The following FKBP5 variants were observed in gnomAD, a reference collection of about 807,000 sequenced individuals.
FKBP5 encodes the protein FKBP prolyl isomerase 5.
Under a neutral mutation model 50.5 loss-of-function variants are expected in FKBP5, and 23 were observed. The observed-to-expected ratio is 0.46, with a 90% CI of 0.33 to 0.65. The LOEUF is 0.65. FKBP5 is among the 30% of genes least tolerant of loss of function. The pLI is 0.02. For missense variants in FKBP5, 411 were observed against 553.1 expected, an observed-to-expected ratio of 0.74 and a Z score of 2.58; for synonymous variants, 176 against 190.6, an observed-to-expected ratio of 0.92 and a Z score of 0.63.
Position 35,629,559 on chromosome 6 carries a change from T to C in FKBP5, c.250+7455A>G, listed in dbSNP as rs537036202. On this transcript the variant is annotated intron_variant, in intron 3 of 10. Transcript: ENST00000357266. ...AAAGAAAACAGATATGGTAGCATTA[T>C]CTGTCCTGGGACAGCCTTAAGGATC... 4.6e-5 allele frequency among the ~76,000 whole-genome samples: 7 copies of C among 152,334 alleles called. No individual in the cohort carries two copies. The South Asian group carries it at 1.2e-3, about 27-fold the overall frequency.
At position 35,592,875 on chromosome 6, in the gene FKBP5, C is replaced by A. The variant is rs74549709; in HGVS notation, c.666-1655G>T. Among the ~76,000 whole-genome samples the A allele has an allele frequency of 7.4e-3, 1,129 of 152,248 alleles. 12 individuals carry two copies. Among genetic ancestry groups the A allele is most frequent in the African/African-American group, 0.024 (976 of 41,530 alleles). ...AATGCACGTGACAGCCCCCTATGAC[C>A]AAGGATTAGCAAGCCCAAAGTGTCA... On this transcript the variant is annotated intron_variant, in intron 6 of 10. Transcript: ENST00000357266.
intron 1 of FKBP5, among the ~76,000 whole-genome samples, chr6:35,644,864 A>C (rs1764587515): frequency 1.3e-5 from 2 of 152,208 alleles, no homozygotes; most frequent in South Asian, 4.1e-4. Flanking sequence ...AAATATATGC[A>C]CACAAAAAAA....
chr6:35,705,207 TGTACAA>T (rs1197866287), intron 2 of FKBP5, among the ~76,000 whole-genome samples: 1 of 118,060 alleles, frequency 8.5e-6, no homozygotes, highest in Non-Finnish European at 1.7e-5. Context: ...TATATATATA[TGTACAA>T]ATATATATAT....
rs146903666 is a variant in FKBP5, at chr6:35,582,193, C to A, written c.841-1972G>T. 980 of 985,398 alleles carry A rather than the reference C, an allele frequency of 9.9e-4. 8 individuals are homozygous for A. In the African/African-American group the frequency reaches 0.016, roughly 16 times the overall value. The allele number at this position is 985,398 out of a possible 1,614,324, so 61.0% of individuals were successfully genotyped here. On this transcript the variant is annotated intron_variant, in intron 8 of 10. Coordinates refer to ENST00000357266, the MANE Select transcript of FKBP5 (RefSeq NM_004117.4). Reference sequence around the variant, plus strand: ...GGAAGACTGGCACTAAAATCAAAGTCTGTCACCCTCTCTGCCTCAGAAGTG... The same window carrying A: ...GGAAGACTGGCACTAAAATCAAAGTATGTCACCCTCTCTGCCTCAGAAGTG...
chr6:35,624,015 T>C (rs989637653), intron 3 of FKBP5, among the ~76,000 whole-genome samples: 7 of 152,000 alleles, frequency 4.6e-5, no homozygotes, highest in Non-Finnish European at 1.0e-4. Flanking sequence ...TTTTTCCTTT[T>C]TAAGAGACAG....
At chr6:35,647,081 T>G (rs78057539) in intron 1 of FKBP5, among the ~76,000 whole-genome samples, 49 of 152,302 alleles carry the variant, frequency 3.2e-4, no homozygotes, top group African/African-American at 1.2e-3. Context: ...AGAAAGATAT[T>G]TCTTTGGTAA....
intron 3 of FKBP5, among the ~76,000 whole-genome samples, chr6:35,633,493 A>G (rs1192893369): frequency 6.6e-6 from 1 of 150,986 alleles, no homozygotes. Flanking sequence ...CAGTGAGCCA[A>G]GATCACGCCA....
intron 8 of FKBP5, chr6:35,582,127 C>T (rs888863513): frequency 1.0e-6 from 1 of 985,152 alleles, no homozygotes; most frequent in African/African-American, 1.8e-5. Flanking sequence ...CAGGCTACAT[C>T]CCTCGAACAT....
At chr6:35,629,135 C>T (rs10947562) in intron 3 of FKBP5, among the ~76,000 whole-genome samples, 25,716 of 150,044 alleles carry the variant, frequency 0.17, 2,663 homozygotes, top group East Asian at 0.36. Context: ...GTCAGTGTCT[C>T]GCTCTGTCAC....
chr6:35,727,468 G>A (rs189431668), intron 1 of FKBP5, among the ~76,000 whole-genome samples: 140 of 152,344 alleles, frequency 9.2e-4, no homozygotes, highest in African/African-American at 3.2e-3. Flanking sequence ...CCACTCGCCA[G>A]TGTCTGGGCT....
chr6:35,691,654 A>G (rs994238314), upstream of FKBP5, among the ~76,000 whole-genome samples: 1 of 151,666 alleles, frequency 6.6e-6, no homozygotes, highest in African/African-American at 2.4e-5. Flanking sequence ...AGCCCCACCC[A>G]CTCTCCCAGA....
chr6:35,641,864 C>T (rs560203204), intron 2 of FKBP5, among the ~76,000 whole-genome samples: 16 of 152,046 alleles, frequency 1.1e-4, no homozygotes, highest in Middle Eastern at 3.4e-3. Flanking sequence ...GGCATGGTAG[C>T]AGGCGCCTGT....
In FKBP5 at chr6:35,653,165, A is replaced by G. The variant is rs369452341; in HGVS notation, c.-19-10322T>C. Among the ~76,000 whole-genome samples the G allele has an allele frequency of 3.0e-4, 46 of 152,304 alleles. No individual in the cohort carries two copies. In the East Asian group the frequency reaches 8.1e-3, roughly 27 times the overall value. On this transcript the variant is annotated intron_variant, in intron 1 of 10. Coordinates refer to ENST00000357266, the MANE Select transcript of FKBP5 (RefSeq NM_004117.4). The stretch of plus-strand genomic sequence containing the variant: ...CAGGAGTTCAAGACCAGCCTGGGCA[A>G]GAAAGTAACAAACACCTCATCTTCA...
chr6:35,653,191 C>T (rs1036482438), intron 1 of FKBP5, among the ~76,000 whole-genome samples: 1 of 152,028 alleles, frequency 6.6e-6, no homozygotes, highest in African/African-American at 2.4e-5. Context: ...CTCATCTTCA[C>T]AAAAATTTAA....
intron 8 of FKBP5, chr6:35,581,005 C>A: frequency 2.0e-6 from 2 of 984,806 alleles, no homozygotes; most frequent in Non-Finnish European, 2.4e-6. Context: ...TCTGTTGCAA[C>A]TACTAAATTC....
At position 35,661,836 on chromosome 6, in the gene FKBP5, ACAACATAG is replaced by A. The variant is rs1765074563; in HGVS notation, c.-19-19001_-19-18994del. 2.5e-5 allele frequency among the ~76,000 whole-genome samples: 2 copies of A among 80,580 alleles called. 1 individual carries two copies. The highest frequency in any genetic ancestry group is 8.9e-4 in the South Asian group (2 of 2,246). 52.9% of individuals were successfully genotyped at this position (80,580 alleles called of 152,430 possible). A position where few individuals can be genotyped will look rare whatever the true frequency, so the allele number is the denominator to read the frequency against. ...CTGCTTGAGTGAGAATCTTAGCTTG[ACAACATAG>A]CAACTGTATGATCTTGTGCAAGTCA... On this transcript the variant is annotated intron_variant, in intron 1 of 10. Coordinates refer to ENST00000357266, the MANE Select transcript of FKBP5 (RefSeq NM_004117.4).
At chr6:35,707,412 C>T (rs925877050) in intron 2 of FKBP5, among the ~76,000 whole-genome samples, 4 of 151,054 alleles carry the variant, frequency 2.6e-5, no homozygotes, top group African/African-American at 7.3e-5. Context: ...TTAGTAGAGA[C>T]GGGGTTTCTC....
intron 8 of FKBP5, chr6:35,581,474 C>T (rs1221004034): frequency 4.1e-5 from 26 of 632,976 alleles, no homozygotes; most frequent in South Asian, 6.9e-5. Context: ...CCTGTAATCC[C>T]GGCTACTTAG....
chr6:35,703,465 T>C lies in FKBP5; in HGVS notation c.-20+16863A>G, dbSNP rs528111275. 1.8e-4 allele frequency among the ~76,000 whole-genome samples: 28 copies of C among 152,266 alleles called. No individual in the cohort carries two copies. The South Asian group carries it at 3.3e-3, about 18-fold the overall frequency. ...CACATAGAAATGATACTCAAGGTGA[T>C]TGATATCCTAAATACCCTGATTTGA... On this transcript the variant is annotated intron_variant, in intron 2 of 11. Transcript: ENST00000536438.
Sources: gnomAD v4.1 joint callset for allele counts (sites outside exome capture counted in the v4.1 genomes callset) on GRCh38, gnomAD v4.1.1 for gene constraint, MANE v1.5 for transcripts, NCBI Gene and HGNC (gene_info 2026-07-23, HGNC 2026-07-21) for gene names.